Variants in ZNF676 observed in about 807,000 individuals in gnomAD.
ZNF676 encodes zinc finger protein 676.
In ZNF676, 4 loss-of-function variants were observed where a neutral mutation model predicts 6.0. The observed-to-expected ratio is 0.67, with a 90% CI of 0.33 to 1.53. The LOEUF is 1.53. Among genes scored for constraint, ZNF676 ranks in the 40% most tolerant of loss-of-function variants. ZNF676 has a pLI of 0.06. For synonymous variants in ZNF676, 198 were observed against 223.1 expected (o/e 0.89, Z 1.00); for missense variants, 644 against 679.7 (o/e 0.95, Z 0.58).
the ZNF676 span, among the ~76,000 whole-genome samples, chr19:22,236,557 T>C: frequency 3.9e-5 from 6 of 152,164 alleles, no homozygotes; most frequent in Non-Finnish European, 8.8e-5. Context: ...GGGAGAAAGA[T>C]TCACTGCATA....
At chr19:22,232,164 T>TTTCTC in the ZNF676 span, among the ~76,000 whole-genome samples, 1 of 151,770 alleles carries the variant, frequency 6.6e-6, no homozygotes, top group African/African-American at 2.4e-5. Context: ...GCATATTTCT[T>TTTCTC]TTCTTTTCTT....
chr19:22,203,964 ATC>A (rs748727417), intron 1 of ZNF676: 2 of 152,272 alleles, frequency 1.3e-5, no homozygotes, highest in South Asian at 4.1e-4. Context: ...TGAATGTGAG[ATC>A]TACACTGGAA....
intron 1 of ZNF676, among the ~76,000 whole-genome samples, chr19:22,195,536 C>T (rs2023958609): frequency 1.3e-5 from 2 of 152,310 alleles, no homozygotes; most frequent in South Asian, 4.1e-4. Flanking sequence ...TGTAGCTTTG[C>T]ATAGTTCTAT....
At chr19:22,228,033 C>T in the ZNF676 span, among the ~76,000 whole-genome samples, 1 of 152,164 alleles carries the variant, frequency 6.6e-6, no homozygotes. Flanking sequence ...GATACCAAAG[C>T]TGGCAGAGAC....
At position 22,179,639 on chromosome 19, in the gene ZNF676, T is replaced by C. The variant is rs1599707659; in HGVS notation, c.*311A>G. The C allele has an allele frequency of 1.1e-5, 6 of 563,472 alleles. No homozygotes were observed. The East Asian group carries it at 2.1e-4, about 20-fold the overall frequency. The allele number at this position is 563,472 out of a possible 1,614,324, so 34.9% of individuals were successfully genotyped here. Reference sequence around the variant, plus strand: ...TGTAGGGCTTTTCCTCCAGTATGAATTCTTTTATGAGTAGTAAGGTGTGAG... The same window carrying C: ...TGTAGGGCTTTTCCTCCAGTATGAACTCTTTTATGAGTAGTAAGGTGTGAG... On this transcript the variant is annotated 3_prime_UTR_variant, in exon 3 of 3. Coordinates refer to ENST00000397121, the MANE Select transcript of ZNF676 (RefSeq NM_001001411.3).
chr19:22,202,386 A>G (rs1036476288), intron 1 of ZNF676, among the ~76,000 whole-genome samples: 3 of 152,334 alleles, frequency 2.0e-5, no homozygotes, highest in East Asian at 3.9e-4. Context: ...GTAGGCAGAG[A>G]CACAATTCCA....
Position 22,181,019 on chromosome 19 carries a change from G to C in ZNF676, c.698C>G (p.Ala233Gly), listed in dbSNP as rs201929387. 7.1e-4 allele frequency: 1,107 copies of C among 1,568,802 alleles called. No individual in the cohort carries two copies. In the African/African-American group the frequency reaches 0.014, roughly 19 times the overall value. ...AGTAAGGATTGAGGATCGATTAAAA[G>C]CTTTGCCACATTCTTCACATTTGTA... ...KPYKCEECGK[A>G]FNRSSILTKH... The change falls in exon 3 of 3, where the codon GCT (alanine) becomes GGT (glycine). Residue 233 changes from alanine (A) to glycine (G), a missense_variant. Physicochemically the swap from Ala to Gly is moderately conservative, Grantham distance 60. Coordinates refer to ENST00000397121, the MANE Select transcript of ZNF676 (RefSeq NM_001001411.3).
At chr19:22,197,542 T>C (rs1370234626), upstream of ZNF676, among the ~76,000 whole-genome samples, 2 of 152,098 alleles carry the variant, frequency 1.3e-5, no homozygotes, top group African/African-American at 4.8e-5. Context: ...CCAATGTTTT[T>C]GGCCCAAAAA....
chr19:22,189,451 C>A (rs2023876441), intron 2 of ZNF676, among the ~76,000 whole-genome samples: 2 of 152,072 alleles, frequency 1.3e-5, no homozygotes, highest in Non-Finnish European at 2.9e-5. Context: ...ACTCAGGACA[C>A]AAGCATGGGC....
upstream of ZNF676, among the ~76,000 whole-genome samples, chr19:22,217,318 T>G (rs1284321652): frequency 6.6e-6 from 1 of 152,234 alleles, no homozygotes; most frequent in Non-Finnish European, 1.5e-5. Context: ...TGCTCCTGCC[T>G]CAGCCTTCCC....
At chr19:22,243,925 T>G in the ZNF676 span, 1 of 152,144 alleles carries the variant, frequency 6.6e-6, no homozygotes, top group Non-Finnish European at 1.5e-5. Flanking sequence ...AGTTGGCAGT[T>G]TCTGCATTTT....
chr19:22,224,241 T>A, the ZNF676 span, among the ~76,000 whole-genome samples: 5 of 150,192 alleles, frequency 3.3e-5, no homozygotes, highest in African/African-American at 1.2e-4. Flanking sequence ...GTTCTATATG[T>A]GTGCTTTTTA....
rs138392195 is a variant in ZNF676 at position 22,179,889 on chromosome 19, A to C, written c.*61T>G. 24 of 1,552,096 alleles carry C rather than the reference A, an allele frequency of 1.5e-5. No individual in the cohort carries two copies. In the East Asian group the frequency reaches 5.4e-4, roughly 35 times the overall value. On this transcript the variant is annotated 3_prime_UTR_variant, in exon 3 of 3. Transcript: ENST00000397121. ...CTTTGTAGATTTTCTCTCCAGTATG[A>C]ATTTTCTTATGTTTACTAGACTGAG...
chr19:22,183,799 C>A (rs773507350), intron 2 of ZNF676, among the ~76,000 whole-genome samples: 3 of 152,060 alleles, frequency 2.0e-5, no homozygotes, highest in Admixed American at 6.6e-5. Flanking sequence ...ATTACACAAG[C>A]TAAATCTTAA....
At chr19:22,217,713 T>TGTTTG (rs555337412), upstream of ZNF676, among the ~76,000 whole-genome samples, 50 of 151,826 alleles carry the variant, frequency 3.3e-4, no homozygotes, top group Admixed American at 2.8e-3. Context: ...TTTGTTTGTT[T>TGTTTG]GTTTGTTTGT....
upstream of ZNF676, among the ~76,000 whole-genome samples, chr19:22,218,445 G>C (rs1212401006): frequency 3.3e-5 from 5 of 151,494 alleles, no homozygotes; most frequent in Non-Finnish European, 7.4e-5. Context: ...GCAATTCTCT[G>C]CCTCAGCCTC....
At chr19:22,181,866 A>G (rs1489715509) in intron 2 of ZNF676, among the ~76,000 whole-genome samples, 1 of 152,182 alleles carries the variant, frequency 6.6e-6, no homozygotes, top group Non-Finnish European at 1.5e-5. Context: ...AATTTACCCA[A>G]TACAACTCTT....
the ZNF676 span, among the ~76,000 whole-genome samples, chr19:22,239,071 A>G: frequency 6.6e-6 from 1 of 152,312 alleles, no homozygotes; most frequent in African/African-American, 2.4e-5. Context: ...AAGAGAGTCA[A>G]CATCTCTCCA....
the ZNF676 span, among the ~76,000 whole-genome samples, chr19:22,240,174 A>T: frequency 6.6e-6 from 1 of 152,068 alleles, no homozygotes; most frequent in Admixed American, 6.5e-5. Context: ...ACATGTTGGG[A>T]CCAAAGATAT....
Sources: allele counts gnomAD v4.1 joint callset (sites outside exome capture counted in the v4.1 genomes callset), GRCh38; gene constraint gnomAD v4.1.1; transcripts MANE v1.5; gene names NCBI Gene and HGNC (gene_info 2026-07-23, HGNC 2026-07-21).